HNMT: variants seen among roughly 807,000 people sequenced by gnomAD.
HNMT encodes the protein histamine N-methyltransferase.
In HNMT, 30 loss-of-function variants were observed where a neutral mutation model predicts 32.1. The observed-to-expected ratio is 0.93, with a 90% CI of 0.70 to 1.27. The LOEUF is 1.27. HNMT is among the 50% of genes most tolerant of loss of function. The probability of loss-of-function intolerance (pLI) is 0.00; values close to 1 mark genes in which losing one functional copy is unlikely to be tolerated. For synonymous variants in HNMT, 125 were observed against 119.0 expected (o/e 1.05, Z -0.33); for missense variants, 327 against 346.0 (o/e 0.95, Z 0.43).
rs759179315 is a variant in HNMT at position 137,964,535 on chromosome 2, A to G, written c.44A>G (p.Tyr15Cys). The change falls in exon 1 of 6, where the codon TAT (tyrosine) becomes TGT (cysteine). Residue 15 changes from tyrosine to cysteine, a missense_variant. Coordinates refer to ENST00000280097, the MANE Select transcript of HNMT (RefSeq NM_006895.3). ...AGCTTGTTTTCTGACCACGGGAAAT[A>G]TGTTGAATCTTTCCGGAGGTTTCTC... is the stretch of plus-strand genomic sequence containing the variant. Reference protein sequence around the residue: ...MRSLFSDHGKYVESFRRFLNH... With the variant: ...MRSLFSDHGKCVESFRRFLNH... 7.4e-6 allele frequency: 12 copies of G among 1,613,676 alleles called. No homozygotes were observed. Among genetic ancestry groups the G allele is most frequent in the South Asian group, 6.6e-5 (6 of 91,078 alleles).
chr2:137,979,204 A>G (rs1195308743), intron 2 of HNMT, among the ~76,000 whole-genome samples: 1 of 149,042 alleles, frequency 6.7e-6, no homozygotes, highest in Non-Finnish European at 1.5e-5. Context: ...ATCCATATAT[A>G]TTTCCATATA....
At chr2:137,989,634 A>T (rs546885096) in intron 2 of HNMT, among the ~76,000 whole-genome samples, 101 of 152,330 alleles carry the variant, frequency 6.6e-4, no homozygotes, top group Admixed American at 1.9e-3. Flanking sequence ...TTACTGAATC[A>T]TATGGTAAGG....
At position 137,978,285 on chromosome 2, in the gene HNMT, A is replaced by G. The variant is rs1377452872; in HGVS notation, c.190+8068A>G. 2.0e-5 allele frequency among the ~76,000 whole-genome samples: 3 copies of G among 148,510 alleles called. No homozygotes were observed. The South Asian group carries it at 6.3e-4, about 31-fold the overall frequency. On this transcript the variant is annotated intron_variant, in intron 2 of 5. Transcript: ENST00000280097. The stretch of plus-strand genomic sequence containing the variant: ...ATTTATATACGTATATATTAACTAT[A>G]CTACAGTTATGTATGTATATATTAA...
intron 2 of HNMT, among the ~76,000 whole-genome samples, chr2:137,984,964 A>G (rs1197972428): frequency 6.6e-6 from 1 of 152,192 alleles, no homozygotes; most frequent in East Asian, 1.9e-4. Context: ...TAGGGCTGGC[A>G]TGAGTTAATT....
intron 2 of HNMT, chr2:137,988,485 T>C (rs1680717869): frequency 6.6e-6 from 1 of 152,190 alleles, no homozygotes; most frequent in South Asian, 2.1e-4. Context: ...AAGATAATAC[T>C]TTAAAACTAA....
chr2:138,012,169 C>T (rs911178338), intron 5 of HNMT, among the ~76,000 whole-genome samples: 3 of 152,066 alleles, frequency 2.0e-5, no homozygotes, highest in Non-Finnish European at 2.9e-5. Flanking sequence ...CTTTCATGTG[C>T]GTACCATTAC....
At chr2:137,978,281 C>A (rs1680346985) in intron 2 of HNMT, among the ~76,000 whole-genome samples, 1 of 147,416 alleles carries the variant, frequency 6.8e-6, no homozygotes, top group Non-Finnish European at 1.5e-5. Context: ...TATATATTAA[C>A]TATACTACAG....
At position 138,010,457 on chromosome 2, in the gene HNMT, A is replaced by G. The variant is rs1235997110; in HGVS notation, c.524-3318A>G. Among the ~76,000 whole-genome samples, 42 of 143,602 alleles carry G rather than the reference A, an allele frequency of 2.9e-4. 1 individual carries two copies. The East Asian group carries it at 4.5e-3, about 15-fold the overall frequency. 94.2% of individuals were successfully genotyped at this position (143,602 alleles called of 152,430 possible). ...AAGACACACGCACACACACACACACACACACACACACACACACACACACAC... is the reference window on the plus strand; with the variant it reads ...AAGACACACGCACACACACACACACGCACACACACACACACACACACACAC... On this transcript the variant is annotated intron_variant, in intron 5 of 5. Transcript: ENST00000280097.
chr2:137,983,153 A>G (rs879756229), intron 2 of HNMT, among the ~76,000 whole-genome samples: 1 of 152,176 alleles, frequency 6.6e-6, no homozygotes, highest in Non-Finnish European at 1.5e-5. Flanking sequence ...AGTAGTCCAA[A>G]GTAAGTGACC....
chr2:137,992,565 T>A (rs996634225), intron 2 of HNMT, among the ~76,000 whole-genome samples: 14 of 152,170 alleles, frequency 9.2e-5, no homozygotes, highest in African/African-American at 3.1e-4. Flanking sequence ...TGCATCTCCC[T>A]GGTCCTGTGT....
At chr2:137,984,260 G>A (rs1171417420) in intron 2 of HNMT, among the ~76,000 whole-genome samples, 1 of 152,146 alleles carries the variant, frequency 6.6e-6, no homozygotes, top group African/African-American at 2.4e-5. Flanking sequence ...CGTAGGTTAT[G>A]CATATATTTA....
intron 1 of HNMT, 43 bp downstream of exon 1, chr2:137,964,671 T>C (rs199927973): frequency 4.1e-5 from 66 of 1,605,386 alleles, no homozygotes; most frequent in Non-Finnish European, 5.6e-5. Context: ...AGCCTCAGAC[T>C]GGCTGTGCGT....
chr2:137,981,431 C>G (rs544322023), intron 2 of HNMT: 1 of 1,443,806 alleles, frequency 6.9e-7, no homozygotes, highest in African/African-American at 1.5e-5. Flanking sequence ...ATGAAGCCTA[C>G]TAGATCACAC....
chr2:137,964,593 A>G lies in HNMT; in HGVS notation c.102A>G (p.Glu34=), dbSNP rs750906799. The change falls in exon 1 of 6, where the codon GAA becomes GAG. Residue 34 remains glutamate, a synonymous_variant. Transcript: ENST00000280097. ...NHSTEHQCMQ[E]FMDKKLPGII... is the part of the protein sequence containing the mutation. The stretch of plus-strand genomic sequence containing the variant: ...CCACGGAACACCAGTGCATGCAGGA[A>G]TTCATGGACAAGAAGCTGCCAGGCA... 6.2e-7 allele frequency: 1 copy of G among 1,613,668 alleles called. No homozygotes were observed. Among genetic ancestry groups the G allele is most frequent in the African/African-American group, 1.3e-5 (1 of 74,888 alleles).
chr2:137,995,823 A>G (rs1680975269), intron 2 of HNMT, among the ~76,000 whole-genome samples: 1 of 152,150 alleles, frequency 6.6e-6, no homozygotes, highest in Non-Finnish European at 1.5e-5. Context: ...ATCCACCACA[A>G]TCAAGTCAGC....
In HNMT at chr2:137,999,813, A is replaced by G. The variant is rs146191773; in HGVS notation, c.191-1105A>G. 5.6e-3 allele frequency among the ~76,000 whole-genome samples: 853 copies of G among 152,218 alleles called. 2 individuals are homozygous for G. Among genetic ancestry groups the G allele is most frequent in the Non-Finnish European group, 0.01 (691 of 68,004 alleles). On this transcript the variant is annotated intron_variant, in intron 2 of 5. Coordinates refer to ENST00000280097, the MANE Select transcript of HNMT (RefSeq NM_006895.3). The stretch of plus-strand genomic sequence containing the variant: ...ACAATAAAAATAATGAACAGCTAAC[A>G]TTTATTCACTGCCAACTTTATTTTG...
At position 138,014,267 on chromosome 2, in the gene HNMT, A is replaced by G. The variant is rs1573686094; in HGVS notation, c.*137A>G. On this transcript the variant is annotated 3_prime_UTR_variant, in exon 6 of 6. Coordinates refer to ENST00000280097, the MANE Select transcript of HNMT (RefSeq NM_006895.3). Reference sequence around the variant, plus strand: ...TGGATATGAGATGTAGCAAATTCCAATACATTATTGGACTTCCATTTGGAA... The same window carrying G: ...TGGATATGAGATGTAGCAAATTCCAGTACATTATTGGACTTCCATTTGGAA... 3.2e-6 allele frequency: 2 copies of G among 622,998 alleles called. No homozygotes were observed. The highest frequency in any genetic ancestry group is 2.2e-5 in the South Asian group (1 of 45,682). The allele number at this position is 622,998 out of a possible 1,614,324, so 38.6% of individuals were successfully genotyped here.
At chr2:138,010,956 C>T (rs1681484813) in intron 5 of HNMT, among the ~76,000 whole-genome samples, 1 of 151,946 alleles carries the variant, frequency 6.6e-6, no homozygotes, top group South Asian at 2.1e-4. Context: ...TCTGTCTGTC[C>T]TCTCCTTACC....
At chr2:137,987,386 G>A (rs1680679935) in intron 2 of HNMT, among the ~76,000 whole-genome samples, 1 of 152,114 alleles carries the variant, frequency 6.6e-6, no homozygotes, top group East Asian at 1.9e-4. Flanking sequence ...GTAGATTGCT[G>A]CTTCCACATT....
Sources: gnomAD v4.1 joint callset for allele counts (sites outside exome capture counted in the v4.1 genomes callset) on GRCh38, gnomAD v4.1.1 for gene constraint, MANE v1.5 for transcripts, NCBI Gene and HGNC (gene_info 2026-07-23, HGNC 2026-07-21) for gene names.